SUGCT: variants seen among roughly 807,000 people sequenced by gnomAD.
The protein encoded by SUGCT is succinyl-CoA:glutarate CoA-transferase.
In SUGCT, 41 loss-of-function variants were observed where a neutral mutation model predicts 55.0. The ratio of observed to expected loss-of-function variants is 0.74; its 90% CI spans 0.58 to 0.97. The LOEUF is 0.97. Among genes scored for constraint, SUGCT ranks in the 50% least tolerant of loss-of-function variants. SUGCT has a pLI of 0.00. For missense variants in SUGCT, 568 were observed against 547.8 expected, an observed-to-expected ratio of 1.04 and a Z score of -0.37; for synonymous variants, 187 against 200.4, an observed-to-expected ratio of 0.93 and a Z score of 0.56.
Position 40,787,660 on chromosome 7 carries a change from CAAA to C in SUGCT, c.1153+38185_1153+38187del, listed in dbSNP as rs55764379. 1.0e-4 allele frequency among the ~76,000 whole-genome samples: 5 copies of C among 48,424 alleles called. No homozygotes were observed. In the Admixed American group the frequency reaches 1.3e-3, roughly 13 times the overall value. The allele number at this position is 48,424 out of a possible 152,430, so 31.8% of individuals were successfully genotyped here. On this transcript the variant is annotated intron_variant, in intron 13 of 13. Transcript: ENST00000335693. ...AAACTGGTAACCAAGAAATTTTGAC[CAAA>C]AAAAAAAAAAAAAAAAAAAAAGCCT... is the stretch of plus-strand genomic sequence containing the variant.
the SUGCT span, among the ~76,000 whole-genome samples, chr7:41,013,755 C>CTT: frequency 7.1e-6 from 1 of 140,816 alleles, no homozygotes; most frequent in African/African-American, 2.6e-5. Flanking sequence ...TTCTTTCTTT[C>CTT]TTTTTTTTTT....
chr7:41,017,190 A>C, the SUGCT span, among the ~76,000 whole-genome samples: 1 of 152,136 alleles, frequency 6.6e-6, no homozygotes, highest in Non-Finnish European at 1.5e-5. Context: ...TACAAACTTC[A>C]GGAATTCCCT....
At chr7:41,023,983 T>C in the SUGCT span, among the ~76,000 whole-genome samples, 3 of 152,204 alleles carry the variant, frequency 2.0e-5, no homozygotes, top group Non-Finnish European at 4.4e-5. Flanking sequence ...TCCGTAATCA[T>C]GATCAAGCTC....
rs183934854 is a variant in SUGCT at position 40,160,277 on chromosome 7, G to A, written c.101-20670G>A. Among the ~76,000 whole-genome samples, 94 of 152,232 alleles carry A rather than the reference G, an allele frequency of 6.2e-4. 1 individual carries two copies. The highest frequency in any genetic ancestry group is 1.7e-3 in the Admixed American group (26 of 15,280). ...GGAGACCCGCTTTGTCGCCCAGGAT[G>A]GAGTGCAGTGGTATGATCTCGGCTC... On this transcript the variant is annotated intron_variant, in intron 1 of 13. Transcript: ENST00000335693.
rs532001824 is a variant in SUGCT, at chr7:40,603,167, G to A, written c.1089+106781G>A. 4.2e-3 allele frequency among the ~76,000 whole-genome samples: 638 copies of A among 152,256 alleles called. 1 individual carries two copies. The highest frequency in any genetic ancestry group is 7.7e-3 in the Non-Finnish European group (522 of 68,014). On this transcript the variant is annotated intron_variant, in intron 12 of 13. Coordinates refer to ENST00000335693, the MANE Select transcript of SUGCT (RefSeq NM_001193313.2). ...TTTTTCAAAGAAATGCAACCTGAGA[G>A]TATAGAAAATATGTTGATTTAAATT...
intron 9 of SUGCT, among the ~76,000 whole-genome samples, chr7:40,433,980 G>A (rs2151391564): frequency 6.6e-6 from 1 of 152,156 alleles, no homozygotes; most frequent in Admixed American, 6.5e-5. Flanking sequence ...ATAACTTTGG[G>A]GCGGGCATAT....
the SUGCT span, among the ~76,000 whole-genome samples, chr7:41,018,415 A>C: frequency 6.6e-6 from 1 of 152,090 alleles, no homozygotes; most frequent in Non-Finnish European, 1.5e-5. Flanking sequence ...AGCAAAATGG[A>C]GGGAAAGGTG....
In SUGCT at chr7:40,352,271, A is replaced by G. The variant is rs562135838; in HGVS notation, c.816+35416A>G. Among the ~76,000 whole-genome samples, 3 of 152,286 alleles carry G rather than the reference A, an allele frequency of 2.0e-5. No individual in the cohort carries two copies. In the South Asian group the frequency reaches 6.2e-4, roughly 32 times the overall value. ...TTTGTGTGTGTATATTTACTTCTAT[A>G]CAATTTTTTTTAGTATATGTGCTGC... On this transcript the variant is annotated intron_variant, in intron 9 of 13. Coordinates refer to ENST00000335693, the MANE Select transcript of SUGCT (RefSeq NM_001193313.2).
At chr7:40,204,243 G>C (rs998854762) in intron 6 of SUGCT, among the ~76,000 whole-genome samples, 1 of 151,404 alleles carries the variant, frequency 6.6e-6, no homozygotes, top group Non-Finnish European at 1.5e-5. Flanking sequence ...CTCCTGCCTT[G>C]GTCCCCTGAA....
intron 4 of SUGCT, 73 bp downstream of exon 4, chr7:40,188,653 G>A: frequency 2.2e-6 from 2 of 916,290 alleles, no homozygotes; most frequent in East Asian, 2.9e-5. Context: ...ATATCATTGT[G>A]GCTTGTTTTT....
chr7:40,739,230 A>G (rs1787335883), intron 12 of SUGCT, among the ~76,000 whole-genome samples: 1 of 151,966 alleles, frequency 6.6e-6, no homozygotes, highest in South Asian at 2.1e-4. Context: ...TTATAGCCAC[A>G]TGCACCTCCC....
intron 13 of SUGCT, among the ~76,000 whole-genome samples, chr7:40,828,591 A>C (rs1383112080): frequency 1.3e-5 from 2 of 151,918 alleles, no homozygotes; most frequent in Admixed American, 1.3e-4. Context: ...AAAAAAAAAA[A>C]AAACTCAAGA....
At position 40,746,322 on chromosome 7, in the gene SUGCT, G is replaced by A. The variant is rs1787729553; in HGVS notation, c.1090-3112G>A. On this transcript the variant is annotated intron_variant, in intron 12 of 13. Transcript: ENST00000335693. ...GGTTTCCAGGGACAGCACTGCCACAGCCTCCATTGTTCTGTGGGATATTCT... is the reference window on the plus strand; with the variant it reads ...GGTTTCCAGGGACAGCACTGCCACAACCTCCATTGTTCTGTGGGATATTCT... Among the ~76,000 whole-genome samples the A allele has an allele frequency of 1.3e-5, 2 of 152,144 alleles. 1 individual carries two copies. Among genetic ancestry groups the A allele is most frequent in the African/African-American group, 4.8e-5 (2 of 41,432 alleles).
At chr7:40,878,051 T>C in the SUGCT span, among the ~76,000 whole-genome samples, 2 of 152,340 alleles carry the variant, frequency 1.3e-5, no homozygotes, top group South Asian at 4.1e-4. Context: ...CTTTCCCTTC[T>C]TGGGGGTACT....
At chr7:40,428,174 G>C (rs187018293) in intron 9 of SUGCT, among the ~76,000 whole-genome samples, 1 of 152,140 alleles carries the variant, frequency 6.6e-6, no homozygotes, top group East Asian at 1.9e-4. Flanking sequence ...TATTTTGCCT[G>C]ATGTAATTAT....
At chr7:40,186,137 TTCTC>T (rs1333360857) in intron 3 of SUGCT, among the ~76,000 whole-genome samples, 62 of 150,070 alleles carry the variant, frequency 4.1e-4, no homozygotes, top group African/African-American at 9.1e-4. Flanking sequence ...CCTTCTTTCT[TTCTC>T]TCTCTCTCCT....
chr7:40,649,397 C>T, intron 12 of SUGCT, among the ~76,000 whole-genome samples: 1 of 152,032 alleles, frequency 6.6e-6, no homozygotes, highest in East Asian at 1.9e-4. Context: ...CTCTGCTTTA[C>T]AGATGGGGGG....
At chr7:40,463,303 T>G (rs1789918690) in intron 11 of SUGCT, among the ~76,000 whole-genome samples, 1 of 152,308 alleles carries the variant, frequency 6.6e-6, no homozygotes, top group Middle Eastern at 3.4e-3. Flanking sequence ...TTAAAAAGTT[T>G]TCTCATCCTT....
the SUGCT span, among the ~76,000 whole-genome samples, chr7:41,020,732 A>T: frequency 6.6e-6 from 1 of 152,206 alleles, no homozygotes; most frequent in Non-Finnish European, 1.5e-5. Flanking sequence ...GGAGGGCTGG[A>T]CTATTGTAGA....
Sources: gnomAD v4.1 joint callset for allele counts (sites outside exome capture counted in the v4.1 genomes callset) on GRCh38, gnomAD v4.1.1 for gene constraint, MANE v1.5 for transcripts, NCBI Gene and HGNC (gene_info 2026-07-23, HGNC 2026-07-21) for gene names.